Variants in KLHL8 observed in about 807,000 individuals in gnomAD.
The protein encoded by KLHL8 is kelch like family member 8, also known as kelch-like protein 8.
In KLHL8, 38 loss-of-function variants were observed where a neutral mutation model predicts 63.5. The observed-to-expected ratio is 0.60, with a 90% confidence interval of 0.46 to 0.78. The LOEUF is 0.78. Among genes scored for constraint, KLHL8 ranks in the 30% least tolerant of loss-of-function variants. The pLI is 0.00. For missense variants in KLHL8, 566 were observed against 752.4 expected, an observed-to-expected ratio of 0.75 and a Z score of 2.90; for synonymous variants, 224 against 254.3, an observed-to-expected ratio of 0.88 and a Z score of 1.13.
chr4:87,177,633 G>A (rs988339032), intron 5 of KLHL8, among the ~76,000 whole-genome samples: 1 of 151,976 alleles, frequency 6.6e-6, no homozygotes, highest in Non-Finnish European at 1.5e-5. Flanking sequence ...TTGAGACAGG[G>A]TCTTGCTCTG....
At chr4:87,228,638 C>A (rs1190063613) in intron 1 of KLHL8, among the ~76,000 whole-genome samples, 1 of 152,140 alleles carries the variant, frequency 6.6e-6, no homozygotes, top group Non-Finnish European at 1.5e-5. Flanking sequence ...GCAATTTAAG[C>A]CTATTCTTTT....
At chr4:87,188,994 T>G (rs1486763158) in intron 2 of KLHL8, among the ~76,000 whole-genome samples, 1 of 152,172 alleles carries the variant, frequency 6.6e-6, no homozygotes, top group Non-Finnish European at 1.5e-5. Context: ...TTAACGGAGT[T>G]TAACTGAGCA....
intron 6 of KLHL8, among the ~76,000 whole-genome samples, chr4:87,173,265 T>C (rs570096697): frequency 2.0e-5 from 3 of 148,926 alleles, no homozygotes; most frequent in Non-Finnish European, 4.4e-5. Context: ...CCCATGCTAA[T>C]ATTATTGCCC....
intron 1 of KLHL8, among the ~76,000 whole-genome samples, chr4:87,228,459 C>T (rs1358485376): frequency 1.3e-5 from 2 of 152,094 alleles, no homozygotes; most frequent in African/African-American, 2.4e-5. Flanking sequence ...ATTGCATAAC[C>T]GTATTATACT....
Position 87,163,438 on chromosome 4 carries a change from T to C in KLHL8, c.*81A>G. 1.4e-6 allele frequency: 2 copies of C among 1,440,256 alleles called. No individual in the cohort carries two copies. Among genetic ancestry groups the C allele is most frequent in the Non-Finnish European group, 1.9e-6 (2 of 1,049,958 alleles). The allele number at this position is 1,440,256 out of a possible 1,614,324, so 89.2% of individuals were successfully genotyped here. A position where few individuals can be genotyped will look rare whatever the true frequency, so the allele number is the denominator to read the frequency against. On this transcript the variant is annotated 3_prime_UTR_variant, in exon 10 of 10. Coordinates refer to ENST00000273963, the MANE Select transcript of KLHL8 (RefSeq NM_020803.5). Reference sequence around the variant, plus strand: ...AAGACTCTAGTTGCAGTAAAAAGTGTTGAAAGGTGGTCATATCAAAATCTT... The same window carrying C: ...AAGACTCTAGTTGCAGTAAAAAGTGCTGAAAGGTGGTCATATCAAAATCTT...
At chr4:87,195,975 T>C (rs1209971303) in intron 1 of KLHL8, among the ~76,000 whole-genome samples, 1 of 152,090 alleles carries the variant, frequency 6.6e-6, no homozygotes, top group Non-Finnish European at 1.5e-5. Flanking sequence ...ACTAAAATTT[T>C]TCTATTTTTT....
chr4:87,226,041 C>T (rs774520587), intron 1 of KLHL8, among the ~76,000 whole-genome samples: 4 of 152,072 alleles, frequency 2.6e-5, no homozygotes, highest in Non-Finnish European at 5.9e-5. Context: ...TGCCTCCATC[C>T]CTACCACATT....
In KLHL8 at chr4:87,161,041, C is replaced by CTTTTTTTTTTTTTT. The variant is rs71660119; in HGVS notation, c.*2464_*2477dup. The CTTTTTTTTTTTTTT allele has an allele frequency of 1.7e-5, 2 of 115,084 alleles. No homozygotes were observed. The highest frequency in any genetic ancestry group is 1.7e-5 in the Non-Finnish European group (1 of 57,792). The allele number at this position is 115,084 out of a possible 1,614,324, so 7.1% of individuals were successfully genotyped here. On this transcript the variant is annotated 3_prime_UTR_variant, in exon 10 of 10. Coordinates refer to ENST00000273963, the MANE Select transcript of KLHL8 (RefSeq NM_020803.5). ...GCACATATTGATTCTGCTTTTTTAT[C>CTTTTTTTTTTTTTT]TTTTTTTTTTTTTTTTTTTTGAGAT...
intron 2 of KLHL8, among the ~76,000 whole-genome samples, chr4:87,193,073 A>T (rs1055157520): frequency 6.6e-6 from 1 of 152,120 alleles, no homozygotes; most frequent in African/African-American, 2.4e-5. Context: ...CACTAAATTA[A>T]AAAAAATATT....
At chr4:87,236,344 G>T (rs949375418) in intron 1 of KLHL8, among the ~76,000 whole-genome samples, 8 of 151,928 alleles carry the variant, frequency 5.3e-5, no homozygotes, top group African/African-American at 1.9e-4. Context: ...GAGTAGCTGG[G>T]ACTACAGGGG....
At chr4:87,209,075 T>C (rs1045711602) in intron 1 of KLHL8, among the ~76,000 whole-genome samples, 6 of 152,132 alleles carry the variant, frequency 3.9e-5, no homozygotes, top group Admixed American at 6.5e-5. Context: ...TCAAAGACTA[T>C]TCACTCTGCC....
chr4:87,218,064 A>G (rs377481869), intron 1 of KLHL8, among the ~76,000 whole-genome samples: 13 of 152,310 alleles, frequency 8.5e-5, no homozygotes, highest in African/African-American at 2.9e-4. Context: ...TAACATGTCA[A>G]TGTAGGTTCA....
chr4:87,235,019 T>G (rs1436898939), intron 1 of KLHL8, among the ~76,000 whole-genome samples: 2 of 150,902 alleles, frequency 1.3e-5, no homozygotes, highest in Non-Finnish European at 2.9e-5. Context: ...CTAAAGTTTA[T>G]AAAGTTTATA....
upstream of KLHL8, among the ~76,000 whole-genome samples, chr4:87,222,804 G>A (rs573913216): frequency 2.6e-5 from 4 of 151,130 alleles, no homozygotes; most frequent in Admixed American, 6.6e-5. Context: ...GGCTGGTCTC[G>A]AACACCTGAC....
At chr4:87,194,969 A>G (rs1731637306) in intron 2 of KLHL8, among the ~76,000 whole-genome samples, 2 of 152,214 alleles carry the variant, frequency 1.3e-5, no homozygotes, top group Non-Finnish European at 2.9e-5. Flanking sequence ...TATTCAGAGT[A>G]AGCAAATACA....
intron 1 of KLHL8, among the ~76,000 whole-genome samples, chr4:87,234,446 A>AG (rs2110072425): frequency 6.6e-6 from 1 of 151,826 alleles, no homozygotes; most frequent in African/African-American, 2.4e-5. Flanking sequence ...CAAAAAAAAA[A>AG]AAAAAGATTA....
intron 1 of KLHL8, among the ~76,000 whole-genome samples, chr4:87,213,612 G>A (rs1258133451): frequency 6.6e-6 from 1 of 152,074 alleles, no homozygotes. Flanking sequence ...TACATTACTG[G>A]GAAGTTACCT....
chr4:87,211,487 G>A (rs903504894), intron 1 of KLHL8, among the ~76,000 whole-genome samples: 5 of 152,090 alleles, frequency 3.3e-5, no homozygotes, highest in African/African-American at 9.7e-5. Context: ...TTACTGCCGT[G>A]ACTTTAAAAA....
intron 1 of KLHL8, among the ~76,000 whole-genome samples, chr4:87,212,577 T>A: frequency 6.6e-6 from 1 of 151,368 alleles, no homozygotes; most frequent in East Asian, 1.9e-4. Context: ...TGAGACCTTA[T>A]CTCAAAAAGA....
Sources: gnomAD v4.1 joint callset for allele counts (sites outside exome capture counted in the v4.1 genomes callset) on GRCh38, gnomAD v4.1.1 for gene constraint, MANE v1.5 for transcripts, NCBI Gene and HGNC (gene_info 2026-07-23, HGNC 2026-07-21) for gene names.